Variants in IFT81 observed in about 807,000 individuals in gnomAD.
IFT81 encodes intraflagellar transport 81.
Under a neutral mutation model 102.6 loss-of-function variants are expected in IFT81, and 72 were observed. That is an observed-to-expected ratio of 0.70 (90% confidence interval 0.58 to 0.85). The LOEUF is 0.85. Ranked by LOEUF, IFT81 falls within the 40% of genes least tolerant of loss-of-function variation. The pLI is 0.00. For synonymous variants in IFT81, 237 were observed against 242.7 expected (o/e 0.98, Z 0.22); for missense variants, 723 against 787.3 (o/e 0.92, Z 0.98).
At position 110,205,607 on chromosome 12, in the gene IFT81, C is replaced by CAACTTCGT. The variant is rs1468738720; in HGVS notation, c.1730_1737dup (p.Arg580AsnfsTer9). 3 of 1,601,458 alleles carry CAACTTCGT rather than the reference C, an allele frequency of 1.9e-6. No homozygotes were observed. The highest frequency in any genetic ancestry group is 2.7e-5 in the African/African-American group (2 of 74,250). ...TCTTTCTATTTAGAACCTAGAAGTT[C>CAACTTCGT]AACTTCGTCGTGCTACTGATGAGAT... is the stretch of plus-strand genomic sequence containing the variant. On this transcript the variant is annotated frameshift_variant, in exon 17 of 19. Coordinates refer to ENST00000242591, the MANE Select transcript of IFT81 (RefSeq NM_014055.4). LOFTEE classifies it high-confidence loss of function.
At chr12:110,204,247 T>C (rs1055852915) in intron 15 of IFT81, 2 of 283,470 alleles carry the variant, frequency 7.1e-6, no homozygotes, top group Non-Finnish European at 1.3e-5. Flanking sequence ...TTCTTTAATT[T>C]GTACACACTT....
chr12:110,144,373 C>CTAT, intron 9 of IFT81, among the ~76,000 whole-genome samples: 1 of 150,268 alleles, frequency 6.7e-6, no homozygotes, highest in Admixed American at 6.6e-5. Context: ...CGCGCCACCA[C>CTAT]GCCTGGCTAA....
At position 110,146,940 on chromosome 12, in the gene IFT81, C is replaced by A; in HGVS notation, c.946-13C>A. 3 of 1,561,778 alleles carry A rather than the reference C, an allele frequency of 1.9e-6. No homozygotes were observed. Among genetic ancestry groups the A allele is most frequent in the Middle Eastern group, 1.8e-4 (1 of 5,668 alleles). Reference sequence around the variant, plus strand: ...AGTTTTAACTTTTTTTTTTTGCTTTCATGCTATTTTAGATAAATGAAATAA... The same window carrying A: ...AGTTTTAACTTTTTTTTTTTGCTTTAATGCTATTTTAGATAAATGAAATAA... On this transcript the variant is annotated splice_polypyrimidine_tract_variant and intron_variant, in intron 9 of 18. Coordinates refer to ENST00000242591, the MANE Select transcript of IFT81 (RefSeq NM_014055.4).
At chr12:110,171,688 G>A (rs1286302565) in intron 11 of IFT81, among the ~76,000 whole-genome samples, 1 of 152,142 alleles carries the variant, frequency 6.6e-6, no homozygotes, top group East Asian at 1.9e-4. Flanking sequence ...AAATAACAAA[G>A]GCTGCTTTGA....
intron 17 of IFT81, among the ~76,000 whole-genome samples, chr12:110,208,311 TG>T (rs1004718169): frequency 9.2e-5 from 14 of 152,170 alleles, no homozygotes; most frequent in African/African-American, 3.4e-4. Context: ...AAGACCAGCC[TG>T]GGCAACATGG....
chr12:110,179,773 T>TATATATATAC (rs774113734), intron 11 of IFT81, among the ~76,000 whole-genome samples: 2 of 50,486 alleles, frequency 4.0e-5, no homozygotes, highest in Non-Finnish European at 8.3e-5. Flanking sequence ...TATATATATA[T>TATATATATAC]ACACACACAC....
intron 15 of IFT81, chr12:110,204,175 A>G: frequency 2.4e-6 from 1 of 409,510 alleles, no homozygotes. Context: ...CATTTTCACT[A>G]CATCAATGTC....
intron 18 of IFT81, among the ~76,000 whole-genome samples, chr12:110,215,592 G>T (rs537457292): frequency 1.3e-4 from 19 of 147,896 alleles, no homozygotes; most frequent in African/African-American, 4.8e-4. Context: ...CTCCTGAGTA[G>T]CTGGGACCAC....
chr12:110,183,494 C>G (rs1897393249), intron 12 of IFT81, among the ~76,000 whole-genome samples: 1 of 152,290 alleles, frequency 6.6e-6, no homozygotes, highest in African/African-American at 2.4e-5. Context: ...TACGTAACTT[C>G]CATCTCTACC....
chr12:110,208,875 G>C (rs1869034942), intron 17 of IFT81, among the ~76,000 whole-genome samples: 1 of 152,176 alleles, frequency 6.6e-6, no homozygotes, highest in African/African-American at 2.4e-5. Context: ...AATTTAAGCA[G>C]ATGGGTTGCC....
intron 6 of IFT81, 42 bp downstream of exon 6, chr12:110,135,055 C>A: frequency 7.2e-7 from 1 of 1,381,506 alleles, no homozygotes; most frequent in Non-Finnish European, 1.0e-6. Flanking sequence ...CCCCAAGTCC[C>A]AAGGACTTGC....
At chr12:110,140,157 G>A (rs988910053) in intron 8 of IFT81, among the ~76,000 whole-genome samples, 1 of 151,974 alleles carries the variant, frequency 6.6e-6, no homozygotes, top group Non-Finnish European at 1.5e-5. Context: ...TGAATATGCA[G>A]GTTTGCTACA....
At chr12:110,176,926 A>G (rs1458801926) in intron 11 of IFT81, among the ~76,000 whole-genome samples, 1 of 152,242 alleles carries the variant, frequency 6.6e-6, no homozygotes, top group Non-Finnish European at 1.5e-5. Flanking sequence ...TCTATATTAC[A>G]GAGGATAGCA....
At chr12:110,190,849 A>G in intron 12 of IFT81, 71 bp from the exon 13 acceptor site, 1 of 1,381,174 alleles carries the variant, frequency 7.2e-7, no homozygotes, top group Non-Finnish European at 9.5e-7. Flanking sequence ...TATGTATGAA[A>G]TTTGTACATT....
At chr12:110,194,257 A>G (rs1897913810) in intron 14 of IFT81, among the ~76,000 whole-genome samples, 1 of 152,326 alleles carries the variant, frequency 6.6e-6, no homozygotes, top group Admixed American at 6.5e-5. Context: ...CATATCAACA[A>G]TGAAAGATGT....
At position 110,134,970 on chromosome 12, in the gene IFT81, A is replaced by G; in HGVS notation, c.542A>G (p.Glu181Gly). 1 of 1,611,370 alleles carries G rather than the reference A, an allele frequency of 6.2e-7. No individual in the cohort carries two copies. Among genetic ancestry groups the G allele is most frequent in the Non-Finnish European group, 8.5e-7 (1 of 1,179,154 alleles). Reference sequence around the variant, plus strand: ...TAGGATATCAGTGCAATGGAAGAAGAAAAGGATCAGCTCATTAAGAGAGTT... The same window carrying G: ...TAGGATATCAGTGCAATGGAAGAAGGAAAGGATCAGCTCATTAAGAGAGTT... ...IRKDISAMEE[E>G]KDQLIKRVEH... is the part of the protein sequence containing the mutation. The change falls in exon 6 of 19, where the codon GAA (glutamate) becomes GGA (glycine). Residue 181 changes from glutamate (E) to glycine (G), a missense_variant. By Grantham distance (98) the Glu-to-Gly change is moderately conservative. Coordinates refer to ENST00000242591, the MANE Select transcript of IFT81 (RefSeq NM_014055.4).
intron 14 of IFT81, among the ~76,000 whole-genome samples, chr12:110,200,015 AGACT>A (rs1283658609): frequency 2.0e-5 from 3 of 152,216 alleles, no homozygotes; most frequent in Non-Finnish European, 4.4e-5. Context: ...TGTGTTACCA[AGACT>A]GACCATTCCC....
rs374607994 is a variant in IFT81, at chr12:110,174,490, T to C, written c.1189-5932T>C. ...AAAAAAAAAAAAATGGCTTTGTGTT[T>C]CTTAAACAATGTAAAGTGCTTATTA... On this transcript the variant is annotated intron_variant, in intron 11 of 18. Coordinates refer to ENST00000242591, the MANE Select transcript of IFT81 (RefSeq NM_014055.4). Among the ~76,000 whole-genome samples, 6 of 151,844 alleles carry C rather than the reference T, an allele frequency of 4.0e-5. No individual in the cohort carries two copies. The South Asian group carries it at 1.2e-3, about 32-fold the overall frequency.
At chr12:110,194,229 A>AG (rs1897913034) in intron 14 of IFT81, among the ~76,000 whole-genome samples, 1 of 152,204 alleles carries the variant, frequency 6.6e-6, no homozygotes, top group South Asian at 2.1e-4. Context: ...AGATTTGGGC[A>AG]GGGACAGAGA....
Sources: allele counts gnomAD v4.1 joint callset (sites outside exome capture counted in the v4.1 genomes callset), GRCh38; gene constraint gnomAD v4.1.1; transcripts MANE v1.5; gene names NCBI Gene and HGNC (gene_info 2026-07-23, HGNC 2026-07-21).